MATR3: variants seen among roughly 807,000 people sequenced by gnomAD.
The protein encoded by MATR3 is matrin 3, also known as matrin-3.
Under a neutral mutation model 85.5 loss-of-function variants are expected in MATR3, and 4 were observed. That is an observed-to-expected ratio of 0.05 (90% CI 0.02 to 0.11). MATR3 has a LOEUF of 0.11. Among genes scored for constraint, MATR3 ranks in the 10% least tolerant of loss-of-function variants. The pLI is 1.00. For missense variants in MATR3, 685 were observed against 1,016.1 expected (o/e 0.67, Z 4.43); for synonymous variants, 336 against 343.1 (o/e 0.98, Z 0.23).
chr5:139,325,688 C>T (rs1470539128), intron 13 of MATR3, 26 bp downstream of exon 13: 3 of 1,577,126 alleles, frequency 1.9e-6, no homozygotes, highest in East Asian at 4.5e-5. Flanking sequence ...TTGTTCTTCA[C>T]CTTCCTCACT....
chr5:139,319,573 G>A (rs1432128463), intron 9 of MATR3, 72 bp downstream of exon 9: 5 of 1,388,340 alleles, frequency 3.6e-6, no homozygotes, highest in South Asian at 2.5e-5. Flanking sequence ...ATGGAGCTGG[G>A]CGTCATTCCT....
intron 3 of MATR3, chr5:139,282,632 TG>T (rs1753571014): frequency 1.3e-5 from 2 of 152,260 alleles, no homozygotes; most frequent in African/African-American, 4.8e-5. Context: ...TGGTATATTA[TG>T]GTTGTCACAA....
At chr5:139,302,897 C>G (rs1754522838) in intron 1 of MATR3, among the ~76,000 whole-genome samples, 1 of 152,116 alleles carries the variant, frequency 6.6e-6, no homozygotes, top group Non-Finnish European at 1.5e-5. Context: ...ATATAAGAAA[C>G]TGTAGTTTTC....
At position 139,321,516 on chromosome 5, in the gene MATR3, C is replaced by A. The variant is rs576614939; in HGVS notation, c.1603-382C>A. Among the ~76,000 whole-genome samples, 8 of 151,890 alleles carry A rather than the reference C, an allele frequency of 5.3e-5. No individual in the cohort carries two copies. The South Asian group carries it at 1.7e-3, about 32-fold the overall frequency. On this transcript the variant is annotated intron_variant, in intron 9 of 14. Transcript: ENST00000394805. Reference sequence around the variant, plus strand: ...TAAAATTTTTAGCCGGGTGTGGTTGCTGTCACCTGTAATCCCAGCACTTTG... The same window carrying A: ...TAAAATTTTTAGCCGGGTGTGGTTGATGTCACCTGTAATCCCAGCACTTTG...
rs141986556 is a variant in MATR3 at position 139,318,946 on chromosome 5, C to T, written c.1347C>T (p.Ala449=). ...IEMATTEDAQ[A]AVDYYTTTPA... The stretch of plus-strand genomic sequence containing the variant: ...TGGCAACCACAGAGGATGCTCAGGC[C>T]GCAGTGGATTATTACACAACCACAC... Residue 449 remains alanine, a synonymous_variant, in exon 8 of 15, where the codon GCC becomes GCT. Transcript: ENST00000394805. 454 of 1,613,954 alleles carry T rather than the reference C, an allele frequency of 2.8e-4. No homozygotes were observed. In the African/African-American group the frequency reaches 3.8e-3, roughly 14 times the overall value.
At chr5:139,291,807 G>A (rs1402954525), upstream of MATR3, among the ~76,000 whole-genome samples, 1 of 152,130 alleles carries the variant, frequency 6.6e-6, no homozygotes, top group African/African-American at 2.4e-5. Context: ...CCAAAGTGCT[G>A]GGATTACAGG....
At position 139,330,563 on chromosome 5, in the gene MATR3, T is replaced by A; in HGVS notation, c.*1168T>A. The A allele has an allele frequency of 2.2e-6, 1 of 453,518 alleles. No individual in the cohort carries two copies. The highest frequency in any genetic ancestry group is 4.4e-6 in the Non-Finnish European group (1 of 226,492). 28.1% of individuals were successfully genotyped at this position (453,518 alleles called of 1,614,324 possible). On this transcript the variant is annotated 3_prime_UTR_variant, in exon 15 of 15. Transcript: ENST00000394805. ...GCTAAAGATCTGAGTTTTAAAAATGTTGTTGCTGGTGGATTTCTTGTTCCT... is the reference window on the plus strand; with the variant it reads ...GCTAAAGATCTGAGTTTTAAAAATGATGTTGCTGGTGGATTTCTTGTTCCT...
intron 14 of MATR3, 36 bp downstream of exon 14, chr5:139,326,320 C>T (rs773145657): frequency 1.2e-5 from 20 of 1,607,160 alleles, no homozygotes; most frequent in Non-Finnish European, 1.7e-5. Flanking sequence ...TTTGTGAAAA[C>T]TTAACAAGTT....
At chr5:139,274,397 A>C in intron 1 of MATR3, 1 of 259,748 alleles carries the variant, frequency 3.8e-6, no homozygotes, top group South Asian at 4.1e-5. Flanking sequence ...GAGAGCCTCG[A>C]TCTCCCAGGG....
In MATR3 at chr5:139,325,482, T is replaced by C. The variant is rs149714542; in HGVS notation, c.2191T>C (p.Leu731=). 3.7e-4 allele frequency: 603 copies of C among 1,614,134 alleles called. 9 individuals carry two copies. The South Asian group carries it at 5.2e-3, about 14-fold the overall frequency. ...ACTTGATCAAGAAAACGAAGCAGCG[T>C]TGGAAAATGGAATTAAAAATGAGGA... ...EELDQENEAA[L]ENGIKNEENT... Residue 731 remains leucine, a synonymous_variant, in exon 13 of 15, where the codon TTG becomes CTG. Transcript: ENST00000394805.
At chr5:139,324,348 C>A (rs1355701899) in intron 12 of MATR3, among the ~76,000 whole-genome samples, 1 of 134,042 alleles carries the variant, frequency 7.5e-6, no homozygotes. Flanking sequence ...GGCTGGAGTG[C>A]GGTGGTGTGA....
chr5:139,301,136 C>T (rs894261025), intron 1 of MATR3, among the ~76,000 whole-genome samples: 9 of 151,998 alleles, frequency 5.9e-5, no homozygotes, highest in African/African-American at 2.2e-4. Flanking sequence ...GTCTTTATGG[C>T]CTTATGAAGT....
At chr5:139,311,536 C>A (rs767253411) in intron 2 of MATR3, 4 of 152,112 alleles carry the variant, frequency 2.6e-5, no homozygotes, top group Non-Finnish European at 5.9e-5. Context: ...AGACCAGACA[C>A]ACTTTTCCCC....
chr5:139,299,851 G>A (rs1422685511), intron 1 of MATR3: 1 of 152,172 alleles, frequency 6.6e-6, no homozygotes, highest in Non-Finnish European at 1.5e-5. Flanking sequence ...AGAAAGGTAA[G>A]ATCTATGGCC....
At chr5:139,292,107 A>C (rs1753894410), upstream of MATR3, 1 of 151,884 alleles carries the variant, frequency 6.6e-6, no homozygotes, top group African/African-American at 2.4e-5. Flanking sequence ...GTACACCACC[A>C]CGCCCAGCTA....
intron 1 of MATR3, chr5:139,294,246 T>A (rs568965910): frequency 2.4e-4 from 98 of 410,206 alleles, no homozygotes; most frequent in Non-Finnish European, 3.9e-4. Flanking sequence ...CACTGGGGGC[T>A]TGCCGTTTGA....
intron 3 of MATR3, among the ~76,000 whole-genome samples, chr5:139,284,296 G>A (rs115047603): frequency 0.02 from 3,045 of 152,196 alleles, 42 homozygotes; most frequent in Non-Finnish European, 0.027. Flanking sequence ...GAAACTGAAC[G>A]TAGCCTTTAA....
At chr5:139,327,544 C>G (rs762617129) in intron 14 of MATR3, among the ~76,000 whole-genome samples, 1 of 152,128 alleles carries the variant, frequency 6.6e-6, no homozygotes, top group Non-Finnish European at 1.5e-5. Context: ...GCCTCAGCCT[C>G]CTGAGTATCT....
chr5:139,284,199 C>CCA (rs1341822780), intron 3 of MATR3, among the ~76,000 whole-genome samples: 5 of 152,102 alleles, frequency 3.3e-5, no homozygotes, highest in Non-Finnish European at 5.9e-5. Context: ...CATTTTTGTT[C>CCA]TTATAAAAGA....
Sources: gnomAD v4.1 joint callset for allele counts (sites outside exome capture counted in the v4.1 genomes callset) on GRCh38, gnomAD v4.1.1 for gene constraint, MANE v1.5 for transcripts, NCBI Gene and HGNC (gene_info 2026-07-23, HGNC 2026-07-21) for gene names.